The following RNF20 variants were observed in gnomAD, a reference collection of about 807,000 sequenced individuals.
RNF20 encodes the protein ring finger protein 20.
In RNF20, 84 loss-of-function variants were observed where a neutral mutation model predicts 126.2. That is an observed-to-expected ratio of 0.67 (90% CI 0.56 to 0.80). The LOEUF is 0.80. Among genes scored for constraint, RNF20 ranks in the 30% least tolerant of loss-of-function variants. RNF20 has a pLI of 0.00. For missense variants in RNF20, 869 were observed against 1,188.2 expected (o/e 0.73, Z 3.95); for synonymous variants, 400 against 414.3 (o/e 0.97, Z 0.42).
At position 101,547,030 on chromosome 9, in the gene RNF20, C is replaced by G. The variant is rs1029353711; in HGVS notation, c.894+64C>G. The G allele has an allele frequency of 1.6e-5, 25 of 1,602,298 alleles. No individual in the cohort carries two copies. The African/African-American group carries it at 3.1e-4, about 20-fold the overall frequency. On this transcript the variant is annotated intron_variant, in intron 7 of 19. Transcript: ENST00000389120. ...TAAGGAGTGTTCTCAGGAAGACTCACCTTGGGGCATGGTATTTGAGGAAAA... is the reference window on the plus strand; with the variant it reads ...TAAGGAGTGTTCTCAGGAAGACTCAGCTTGGGGCATGGTATTTGAGGAAAA...
intron 13 of RNF20, among the ~76,000 whole-genome samples, 167 bp from the exon 14 acceptor site, chr9:101,553,821 T>A (rs993171117): frequency 6.6e-6 from 1 of 152,266 alleles, no homozygotes; most frequent in Non-Finnish European, 1.5e-5. Context: ...TTTCTAAGCA[T>A]ATCCAAAAGT....
At chr9:101,558,650 T>A (rs1251282611) in intron 16 of RNF20, among the ~76,000 whole-genome samples, 2 of 152,212 alleles carry the variant, frequency 1.3e-5, no homozygotes, top group Non-Finnish European at 2.9e-5. Context: ...ATTTCCCTGA[T>A]AATTAATGAT....
rs555017244 is a variant in RNF20, at chr9:101,546,726, C to T, written c.748-94C>T. On this transcript the variant is annotated intron_variant, in intron 6 of 19. Coordinates refer to ENST00000389120, the MANE Select transcript of RNF20 (RefSeq NM_019592.7). ...AGAGGGTGAAGCATCTTCTATTTGCCTCTTTTCTATAATTACTCATAAGCA... is the reference window on the plus strand; with the variant it reads ...AGAGGGTGAAGCATCTTCTATTTGCTTCTTTTCTATAATTACTCATAAGCA... 8,388 of 1,315,748 alleles carry T rather than the reference C, an allele frequency of 6.4e-3. 48 individuals carry two copies. Among genetic ancestry groups the T allele is most frequent in the Non-Finnish European group, 7.8e-3 (7,322 of 935,164 alleles). The allele number at this position is 1,315,748 out of a possible 1,614,324, so 81.5% of individuals were successfully genotyped here.
chr9:101,555,824 T>G (rs986665032), intron 15 of RNF20, among the ~76,000 whole-genome samples: 16 of 149,494 alleles, frequency 1.1e-4, no homozygotes, highest in South Asian at 2.1e-4. Context: ...CTGGGCTTGG[T>G]GGCGCATGCC....
At chr9:101,560,560 T>G in intron 16 of RNF20, 1 of 309,638 alleles carries the variant, frequency 3.2e-6, no homozygotes, top group South Asian at 5.4e-5. Flanking sequence ...TTTGGCAATT[T>G]GGAAAAGAAT....
chr9:101,559,362 C>G (rs1327046687), intron 16 of RNF20, among the ~76,000 whole-genome samples: 1 of 152,016 alleles, frequency 6.6e-6, no homozygotes, highest in Non-Finnish European at 1.5e-5. Context: ...TTTGCTTAGT[C>G]TTGCTTTGGC....
Position 101,547,579 on chromosome 9 carries a change from T to A in RNF20, c.1092+61T>A, listed in dbSNP as rs1827373194. On this transcript the variant is annotated intron_variant, in intron 9 of 19. Coordinates refer to ENST00000389120, the MANE Select transcript of RNF20 (RefSeq NM_019592.7). ...CGTTCTGCTGATCAACTCACGTATA[T>A]ACATAGTTGTGAATCTGCGTATTCA... is the stretch of plus-strand genomic sequence containing the variant. 5 of 1,580,686 alleles carry A rather than the reference T, an allele frequency of 3.2e-6. No homozygotes were observed. In the East Asian group the frequency reaches 1.1e-4, roughly 36 times the overall value.
Position 101,550,602 on chromosome 9 carries a change from T to C in RNF20, c.1093-4T>C, listed in dbSNP as rs1235651636. On this transcript the variant is annotated splice_region_variant and splice_polypyrimidine_tract_variant and intron_variant, in intron 9 of 19. Transcript: ENST00000389120. Reference sequence around the variant, plus strand: ...CTTCTGACTTTGCTTTGGGCCCTCCTAAGGTGGAATTGCGGAGTGCAGTGG... The same window carrying C: ...CTTCTGACTTTGCTTTGGGCCCTCCCAAGGTGGAATTGCGGAGTGCAGTGG... The C allele has an allele frequency of 1.2e-6, 2 of 1,613,098 alleles. No individual in the cohort carries two copies. Among genetic ancestry groups the C allele is most frequent in the East Asian group, 4.5e-5 (2 of 44,882 alleles).
intron 12 of RNF20, 37 bp from the exon 13 acceptor site, chr9:101,552,346 T>G (rs769330268): frequency 6.2e-7 from 1 of 1,609,918 alleles, no homozygotes; most frequent in Non-Finnish European, 8.5e-7. Context: ...GTGGTTATCA[T>G]AAGAGATGTG....
chr9:101,543,419 G>A (rs1045840503), intron 5 of RNF20, among the ~76,000 whole-genome samples: 2 of 150,190 alleles, frequency 1.3e-5, no homozygotes, highest in African/African-American at 4.9e-5. Context: ...ACCTGCCAGA[G>A]CGGCACTGTC....
chr9:101,551,571 TGGTTTCATTACG>T, intron 10 of RNF20, 101 bp from the exon 11 acceptor site: 2 of 824,414 alleles, frequency 2.4e-6, no homozygotes, highest in Non-Finnish European at 3.6e-6. Context: ...TGTAGATATC[TGGTTTCATTACG>T]TATAGATTGA....
chr9:101,548,971 G>A (rs1162361292), intron 9 of RNF20, among the ~76,000 whole-genome samples: 1 of 152,222 alleles, frequency 6.6e-6, no homozygotes, highest in Non-Finnish European at 1.5e-5. Flanking sequence ...AAAGAAACAC[G>A]ATTGGTGATC....
At chr9:101,559,519 C>G (rs577797604) in intron 16 of RNF20, among the ~76,000 whole-genome samples, 4 of 152,116 alleles carry the variant, frequency 2.6e-5, no homozygotes, top group Non-Finnish European at 5.9e-5. Flanking sequence ...TTGATTCTAC[C>G]CATCCACGAG....
Position 101,540,224 on chromosome 9 carries a change from C to T in RNF20, c.151C>T (p.Leu51=). 12 of 1,614,098 alleles carry T rather than the reference C, an allele frequency of 7.4e-6. No homozygotes were observed. Among genetic ancestry groups the T allele is most frequent in the Non-Finnish European group, 1.0e-5 (12 of 1,180,018 alleles). The stretch of plus-strand genomic sequence containing the variant: ...GCAGGAGGAACTAGACATTAGAACA[C>T]TGCAAACCAAAAATCGCAAGCTGGC... ...SSTEELDIRT[L]QTKNRKLAEM... is the part of the protein sequence containing the mutation. The change falls in exon 3 of 20, where the codon CTG becomes TTG. Residue 51 remains leucine, a synonymous_variant. Coordinates refer to ENST00000389120, the MANE Select transcript of RNF20 (RefSeq NM_019592.7).
chr9:101,561,867 G>T (rs1014159674), intron 18 of RNF20, 43 bp from the exon 19 acceptor site: 1 of 1,307,748 alleles, frequency 7.6e-7, no homozygotes, highest in South Asian at 1.2e-5. Context: ...AAAAATGATA[G>T]ATTTGGGTAA....
At chr9:101,538,966 A>C (rs1827222361) in intron 2 of RNF20, among the ~76,000 whole-genome samples, 1 of 152,096 alleles carries the variant, frequency 6.6e-6, no homozygotes, top group Non-Finnish European at 1.5e-5. Flanking sequence ...TGAAATTACT[A>C]ATGGAGTGAG....
intron 16 of RNF20, among the ~76,000 whole-genome samples, chr9:101,559,882 A>G (rs1271013547): frequency 6.6e-6 from 1 of 152,126 alleles, no homozygotes; most frequent in Non-Finnish European, 1.5e-5. Context: ...ACCAATTTGG[A>G]TGCCTTTTAT....
In RNF20 at chr9:101,537,300, A is replaced by C. The variant is rs566443685; in HGVS notation, c.129+1748A>C. 3.9e-5 allele frequency among the ~76,000 whole-genome samples: 6 copies of C among 152,294 alleles called. No individual in the cohort carries two copies. In the East Asian group the frequency reaches 1.2e-3, roughly 29 times the overall value. On this transcript the variant is annotated intron_variant, in intron 2 of 19. Coordinates refer to ENST00000389120, the MANE Select transcript of RNF20 (RefSeq NM_019592.7). ...CTGATGGATTGGATAACTCACATGA[A>C]AGATAGGAGGGAGGATCATCCCAGG... is the stretch of plus-strand genomic sequence containing the variant.
At chr9:101,561,307 A>G (rs1827625695) in intron 18 of RNF20, 77 bp downstream of exon 18, 1 of 1,423,132 alleles carries the variant, frequency 7.0e-7, no homozygotes, top group South Asian at 1.3e-5. Context: ...TGAAAGAATC[A>G]TTAGTCCAAT....
Sources: gnomAD v4.1 joint callset for allele counts (sites outside exome capture counted in the v4.1 genomes callset) on GRCh38, gnomAD v4.1.1 for gene constraint, MANE v1.5 for transcripts, NCBI Gene and HGNC (gene_info 2026-07-23, HGNC 2026-07-21) for gene names.